SLC6A17: variants seen among roughly 807,000 people sequenced by gnomAD.
SLC6A17 encodes sodium-dependent neutral amino acid transporter SLC6A17.
SLC6A17 carries 21 observed loss-of-function variants against 64.5 expected under a neutral mutation model. That is an observed-to-expected ratio of 0.33 (90% CI 0.23 to 0.47). The LOEUF (loss-of-function observed/expected upper bound fraction) is 0.47, where lower values mean the gene tolerates loss of function less well. Ranked by LOEUF, SLC6A17 falls within the 20% of genes least tolerant of loss-of-function variation. The probability of loss-of-function intolerance (pLI) is 1.00; values close to 1 mark genes in which losing one functional copy is unlikely to be tolerated. For synonymous variants in SLC6A17, 372 were observed against 399.5 expected (o/e 0.93, Z 0.82); for missense variants, 682 against 963.2 (o/e 0.71, Z 3.86).
Position 110,195,706 on chromosome 1 carries a change from T to C in SLC6A17, c.1613T>C (p.Leu538Pro). ...ATLPLTLIVI[L>P]ENIAVAWIYG... The stretch of plus-strand genomic sequence containing the variant: ...CTGCCACTCACTCTCATCGTCATCC[T>C]TGAGAACATCGCTGTGGCCTGGATT... Residue 538 changes from leucine (L) to proline (P), a missense_variant, in exon 10 of 12, where the codon CTT becomes CCT. Leu to Pro is a moderately conservative substitution (Grantham distance 98, BLOSUM62 -3). Transcript: ENST00000331565. The C allele has an allele frequency of 6.2e-7, 1 of 1,614,204 alleles. No individual in the cohort carries two copies. The highest frequency in any genetic ancestry group is 8.5e-7 in the Non-Finnish European group (1 of 1,180,046).
intron 1 of SLC6A17, chr1:110,166,143 A>G (rs1656047411): frequency 6.6e-6 from 1 of 152,242 alleles, no homozygotes; most frequent in Non-Finnish European, 1.5e-5. Context: ...GCAATGACCC[A>G]AGATTCATTG....
intron 4 of SLC6A17, among the ~76,000 whole-genome samples, chr1:110,174,308 G>C (rs1407600148): frequency 6.6e-6 from 1 of 152,166 alleles, no homozygotes; most frequent in East Asian, 1.9e-4. Flanking sequence ...GTGAGTGTAG[G>C]TAAAACTCTG....
chr1:110,174,134 C>T (rs1184633783), intron 4 of SLC6A17, 35 bp downstream of exon 4: 2 of 1,609,568 alleles, frequency 1.2e-6, no homozygotes, highest in African/African-American at 2.7e-5. Flanking sequence ...TGCCAGCCAG[C>T]CCTGTCCCAG....
intron 6 of SLC6A17, among the ~76,000 whole-genome samples, chr1:110,179,193 TTTAAG>T (rs750303880): frequency 1.1e-4 from 17 of 152,244 alleles, no homozygotes; most frequent in Non-Finnish European, 4.4e-5. Flanking sequence ...TAAATGATCA[TTTAAG>T]TTGTTTCCAG....
chr1:110,166,998 C>T lies in SLC6A17; in HGVS notation c.69C>T (p.Asp23=). ...AGCATGTCACTGAGTCCGTGGCCGA[C>T]CTGCTGGCCCTCGAGGAGCCTGTGG... The part of the protein sequence containing the change: ...SSEHVTESVA[D]LLALEEPVDY... The change falls in exon 2 of 12, where the codon GAC becomes GAT. Residue 23 remains aspartate, a synonymous_variant. Transcript: ENST00000331565. 6.2e-7 allele frequency: 1 copy of T among 1,613,638 alleles called. No homozygotes were observed. The highest frequency in any genetic ancestry group is 1.3e-5 in the African/African-American group (1 of 74,906).
At chr1:110,193,704 A>T (rs1377543687) in intron 8 of SLC6A17, among the ~76,000 whole-genome samples, 3 of 152,222 alleles carry the variant, frequency 2.0e-5, no homozygotes, top group Non-Finnish European at 4.4e-5. Flanking sequence ...TCTCGGGCCC[A>T]CTGCCCTGGT....
intron 3 of SLC6A17, 69 bp from the exon 4 acceptor site, chr1:110,173,904 C>CA: frequency 6.5e-7 from 1 of 1,529,138 alleles, no homozygotes; most frequent in Non-Finnish European, 8.8e-7. Flanking sequence ...TGCTGGGCCT[C>CA]GGGTGGAGCG....
intron 9 of SLC6A17, 153 bp downstream of exon 9, chr1:110,194,924 T>C: frequency 1.1e-6 from 1 of 907,504 alleles, no homozygotes; most frequent in Admixed American, 2.2e-5. Context: ...TGCCACTCAG[T>C]GATTAGCACT....
intron 6 of SLC6A17, among the ~76,000 whole-genome samples, chr1:110,180,261 G>A (rs991989647): frequency 2.0e-5 from 3 of 152,188 alleles, no homozygotes; most frequent in Non-Finnish European, 4.4e-5. Context: ...CAAGAGTGGA[G>A]GGTTAAATAG....
chr1:110,188,032 C>T (rs1184034470), intron 6 of SLC6A17, among the ~76,000 whole-genome samples: 1 of 152,182 alleles, frequency 6.6e-6, no homozygotes, highest in East Asian at 1.9e-4. Flanking sequence ...GCAAAATGAC[C>T]TGCACAGATG....
intron 11 of SLC6A17, 109 bp downstream of exon 11, chr1:110,197,708 T>C (rs888588662): frequency 4.7e-6 from 6 of 1,281,410 alleles, no homozygotes; most frequent in South Asian, 1.6e-5. Context: ...TGCCAGGCCT[T>C]GCCAGGTGCC....
chr1:110,157,552 G>T (rs1405429119), intron 1 of SLC6A17, among the ~76,000 whole-genome samples: 1 of 151,750 alleles, frequency 6.6e-6, no homozygotes, highest in Admixed American at 6.6e-5. Flanking sequence ...CAGCCTGGGC[G>T]ACAAAGCAAG....
In SLC6A17 at chr1:110,199,660, A is replaced by C; in HGVS notation, c.*1216A>C. The stretch of plus-strand genomic sequence containing the variant: ...GCCAGTGCCATAGGCAGTGCTGTGG[A>C]CAGTAGAGGCTGCCAAAGGCAAGGG... On this transcript the variant is annotated 3_prime_UTR_variant, in exon 12 of 12. Coordinates refer to ENST00000331565, the MANE Select transcript of SLC6A17 (RefSeq NM_001010898.4). 2 of 293,964 alleles carry C rather than the reference A, an allele frequency of 6.8e-6. No homozygotes were observed. The highest frequency in any genetic ancestry group is 6.3e-6 in the Non-Finnish European group (1 of 159,096). 18.2% of individuals were successfully genotyped at this position (293,964 alleles called of 1,614,324 possible).
At chr1:110,164,959 G>A (rs72982695) in intron 1 of SLC6A17, among the ~76,000 whole-genome samples, 2,723 of 152,288 alleles carry the variant, frequency 0.018, 79 homozygotes, top group African/African-American at 0.063. Flanking sequence ...ATCAAACCCT[G>A]CTGCAGGCAG....
chr1:110,182,991 A>G lies in SLC6A17; in HGVS notation c.864+6252A>G, dbSNP rs561854823. Reference sequence around the variant, plus strand: ...TCAAGGGTGTTATTTCACAATTTATATGATAAAAATAATCCATCATACACC... The same window carrying G: ...TCAAGGGTGTTATTTCACAATTTATGTGATAAAAATAATCCATCATACACC... On this transcript the variant is annotated intron_variant, in intron 6 of 11. Coordinates refer to ENST00000331565, the MANE Select transcript of SLC6A17 (RefSeq NM_001010898.4). Among the ~76,000 whole-genome samples, 5 of 152,336 alleles carry G rather than the reference A, an allele frequency of 3.3e-5. No individual in the cohort carries two copies. The South Asian group carries it at 1.0e-3, about 32-fold the overall frequency.
chr1:110,187,032 T>C (rs1399923642), intron 6 of SLC6A17, among the ~76,000 whole-genome samples: 1 of 152,058 alleles, frequency 6.6e-6, no homozygotes, highest in African/African-American at 2.4e-5. Context: ...CATAAAGGAA[T>C]GGAAAAAGAT....
chr1:110,187,178 A>G (rs892161706), intron 6 of SLC6A17, among the ~76,000 whole-genome samples: 5 of 152,204 alleles, frequency 3.3e-5, no homozygotes, highest in African/African-American at 1.2e-4. Context: ...GTAAAAGTTT[A>G]ATTGAGCAAT....
Position 110,194,573 on chromosome 1 carries a change from C to T in SLC6A17, c.1300-6C>T. On this transcript the variant is annotated splice_region_variant and splice_polypyrimidine_tract_variant and intron_variant, in intron 8 of 11. Transcript: ENST00000331565. ...TCACAGGCCCTGCTTTCCACCCCAC[C>T]TTCAGTCCGTGCAGGGCACAGGCCT... 1 of 1,612,324 alleles carries T rather than the reference C, an allele frequency of 6.2e-7. No homozygotes were observed. The highest frequency in any genetic ancestry group is 8.5e-7 in the Non-Finnish European group (1 of 1,178,552).
chr1:110,173,908 TGG>T, intron 3 of SLC6A17, 63 bp from the exon 4 acceptor site: 2 of 1,515,160 alleles, frequency 1.3e-6, no homozygotes, highest in Non-Finnish European at 8.8e-7. Context: ...GGGCCTCGGG[TGG>T]AGCGTGGGGG....
Sources: gnomAD v4.1 joint callset for allele counts (sites outside exome capture counted in the v4.1 genomes callset) on GRCh38, gnomAD v4.1.1 for gene constraint, MANE v1.5 for transcripts, NCBI Gene and HGNC (gene_info 2026-07-23, HGNC 2026-07-21) for gene names.